The following PMFBP1 variants were observed in gnomAD, a reference collection of about 807,000 sequenced individuals.
PMFBP1 encodes polyamine modulated factor 1 binding protein 1, also known as polyamine-modulated factor 1-binding protein 1.
In PMFBP1, 131 loss-of-function variants were observed where a neutral mutation model predicts 137.8. The ratio of observed to expected loss-of-function variants is 0.95; its 90% CI spans 0.82 to 1.10. The LOEUF (loss-of-function observed/expected upper bound fraction) is 1.10, where lower values mean the gene tolerates loss of function less well. Among genes scored for constraint, PMFBP1 ranks in the 50% least tolerant of loss-of-function variants. PMFBP1 has a pLI of 0.00. For synonymous variants in PMFBP1, 490 were observed against 450.4 expected, an observed-to-expected ratio of 1.09 and a Z score of -1.11; for missense variants, 1,199 against 1,175.4, an observed-to-expected ratio of 1.02 and a Z score of -0.29.
intron 4 of PMFBP1, among the ~76,000 whole-genome samples, chr16:72,153,950 A>ACT (rs1438554393): frequency 6.7e-6 from 1 of 150,246 alleles, no homozygotes; most frequent in Non-Finnish European, 1.5e-5. Context: ...ACACACACAC[A>ACT]CACACACACA....
chr16:72,188,893 C>T, the PMFBP1 span, among the ~76,000 whole-genome samples: 2 of 152,180 alleles, frequency 1.3e-5, no homozygotes, highest in East Asian at 3.8e-4. Flanking sequence ...TTGCAGAGAC[C>T]TGCCTTGTGC....
the PMFBP1 span, among the ~76,000 whole-genome samples, chr16:72,243,300 C>G: frequency 2.0e-5 from 3 of 152,122 alleles, no homozygotes; most frequent in Non-Finnish European, 4.4e-5. Context: ...AATGAGGCAC[C>G]AAGTGAATGC....
intron 20 of PMFBP1, 56 bp downstream of exon 20, chr16:72,119,795 T>G: frequency 6.3e-7 from 1 of 1,591,458 alleles, no homozygotes; most frequent in South Asian, 1.1e-5. Flanking sequence ...GAATTCTCAA[T>G]CCAGTGATTT....
the PMFBP1 span, among the ~76,000 whole-genome samples, chr16:72,193,005 G>C: frequency 6.6e-6 from 1 of 152,006 alleles, no homozygotes; most frequent in Non-Finnish European, 1.5e-5. Flanking sequence ...TATTGAGTGG[G>C]AAAAAAGCAG....
At chr16:72,169,081 T>C (rs1261844586) in intron 2 of PMFBP1, among the ~76,000 whole-genome samples, 2 of 152,192 alleles carry the variant, frequency 1.3e-5, no homozygotes, top group African/African-American at 4.8e-5. Flanking sequence ...TTCCCAGGGA[T>C]GTGGCATTTC....
chr16:72,131,292 A>C (rs2042546063), intron 10 of PMFBP1, among the ~76,000 whole-genome samples: 2 of 152,142 alleles, frequency 1.3e-5, no homozygotes, highest in Non-Finnish European at 1.5e-5. Context: ...GTGGGGAGGA[A>C]TGGTGGGCGA....
chr16:72,154,531 T>C, intron 3 of PMFBP1, 72 bp from the exon 4 acceptor site: 1 of 1,509,820 alleles, frequency 6.6e-7, no homozygotes, highest in Non-Finnish European at 8.9e-7. Flanking sequence ...CAGGATTTTT[T>C]TTTCATTTGT....
At chr16:72,130,851 C>T (rs2042539981) in intron 10 of PMFBP1, 129 bp from the exon 11 acceptor site, 4 of 815,894 alleles carry the variant, frequency 4.9e-6, no homozygotes, top group East Asian at 2.7e-5. Context: ...CCTCATTTCT[C>T]TCCATTTCAT....
the PMFBP1 span, among the ~76,000 whole-genome samples, chr16:72,232,295 C>A: frequency 1.3e-5 from 2 of 152,108 alleles, no homozygotes; most frequent in East Asian, 3.9e-4. Flanking sequence ...CAATAAATAT[C>A]TGTCAAGCAC....
upstream of PMFBP1, among the ~76,000 whole-genome samples, chr16:72,179,540 T>A (rs533606529): frequency 6.6e-6 from 1 of 152,072 alleles, no homozygotes; most frequent in East Asian, 1.9e-4. Context: ...TATAAGATAA[T>A]TGAAAATGTA....
At position 72,136,736 on chromosome 16, in the gene PMFBP1, C is replaced by T. The variant is rs755863076; in HGVS notation, c.1002G>A (p.Val334=). The change falls in exon 8 of 21, where the codon GTG becomes GTA. Residue 334 remains valine (V), a synonymous_variant. Transcript: ENST00000237353. ...TCTGTTCCGACACGGCCTCTAGTTC[C>T]ACGCGCAGATCCTTCACCAGGTTCT... ...EYQNLVKDLR[V]ELEAVSEQKR... 3 of 1,614,162 alleles carry T rather than the reference C, an allele frequency of 1.9e-6. No homozygotes were observed. The South Asian group carries it at 3.3e-5, about 18-fold the overall frequency.
At chr16:72,180,653 A>G (rs1186369701), upstream of PMFBP1, among the ~76,000 whole-genome samples, 3 of 152,098 alleles carry the variant, frequency 2.0e-5, no homozygotes, top group Non-Finnish European at 4.4e-5. Context: ...CCCCTCTTAA[A>G]GCACTAGATC....
At chr16:72,118,763 CG>C (rs138426851), downstream of PMFBP1, among the ~76,000 whole-genome samples, 1 of 134,086 alleles carries the variant, frequency 7.5e-6, no homozygotes, top group African/African-American at 2.8e-5. Context: ...CGGTGGTGGG[CG>C]GGGGGGCAGG....
chr16:72,120,473 T>C (rs1048982631), intron 19 of PMFBP1, among the ~76,000 whole-genome samples: 3 of 152,222 alleles, frequency 2.0e-5, no homozygotes, highest in Non-Finnish European at 2.9e-5. Context: ...TCATGTGTCC[T>C]CGGGTTCTCA....
the PMFBP1 span, among the ~76,000 whole-genome samples, chr16:72,249,920 CAAA>C: frequency 3.3e-4 from 10 of 30,104 alleles, no homozygotes; most frequent in Non-Finnish European, 4.8e-4. Flanking sequence ...GACTCCATCG[CAAA>C]AAAAAAAAAA....
At chr16:72,202,405 T>C in the PMFBP1 span, among the ~76,000 whole-genome samples, 1 of 152,232 alleles carries the variant, frequency 6.6e-6, no homozygotes, top group Non-Finnish European at 1.5e-5. Context: ...CGTGAACTCC[T>C]GGGCTCAAGC....
At chr16:72,157,040 T>A (rs889943537) in intron 3 of PMFBP1, among the ~76,000 whole-genome samples, 4 of 150,606 alleles carry the variant, frequency 2.7e-5, no homozygotes, top group African/African-American at 9.8e-5. Flanking sequence ...AAAAAAAAAA[T>A]TAGCCGGGTG....
At chr16:72,175,482 G>C (rs1483624512), upstream of PMFBP1, among the ~76,000 whole-genome samples, 3 of 152,142 alleles carry the variant, frequency 2.0e-5, no homozygotes, top group Non-Finnish European at 2.9e-5. Flanking sequence ...CAAGGAACTG[G>C]TAAGTGCCTG....
the PMFBP1 span, among the ~76,000 whole-genome samples, chr16:72,217,658 C>T: frequency 6.6e-6 from 1 of 152,118 alleles, no homozygotes; most frequent in Non-Finnish European, 1.5e-5. Context: ...TCGAGACCAG[C>T]CTGGCCAACA....
Sources: gnomAD v4.1 joint callset for allele counts (sites outside exome capture counted in the v4.1 genomes callset) on GRCh38, gnomAD v4.1.1 for gene constraint, MANE v1.5 for transcripts, NCBI Gene and HGNC (gene_info 2026-07-23, HGNC 2026-07-21) for gene names.